Variants in MYH14 observed in about 807,000 individuals in gnomAD.
The protein encoded by MYH14 is myosin-14.
MYH14 carries 123 observed loss-of-function variants against 255.5 expected under a neutral mutation model. The ratio of observed to expected loss-of-function variants is 0.48; its 90% CI spans 0.42 to 0.56. The LOEUF is 0.56. Among genes scored for constraint, MYH14 ranks in the 20% least tolerant of loss-of-function variants. The pLI is 0.00. For missense variants in MYH14, 2,423 were observed against 2,802.3 expected (o/e 0.86, Z 3.06); for synonymous variants, 1,095 against 1,161.2 (o/e 0.94, Z 1.16).
chr19:50,309,476 G>A (rs1344003694), intron 42 of MYH14, 164 bp from the exon 43 acceptor site: 16 of 620,384 alleles, frequency 2.6e-5, no homozygotes, highest in Admixed American at 1.1e-4. Flanking sequence ...GCTTCTGCCC[G>A]TCTCCCTCCA....
chr19:50,217,534 C>G, intron 2 of MYH14, 81 bp from the exon 3 acceptor site: 1 of 1,524,594 alleles, frequency 6.6e-7, no homozygotes. Context: ...TTGTGCAGTG[C>G]ACGGCCTGCT....
intron 10 of MYH14, among the ~76,000 whole-genome samples, chr19:50,240,630 C>T (rs924001769): frequency 6.6e-6 from 1 of 150,942 alleles, no homozygotes; most frequent in African/African-American, 2.4e-5. Context: ...AATGGAAGCA[C>T]AGAAATTAAA....
intron 2 of MYH14, among the ~76,000 whole-genome samples, chr19:50,215,120 C>G (rs1286490134): frequency 2.0e-5 from 3 of 152,170 alleles, no homozygotes; most frequent in African/African-American, 7.2e-5. Context: ...GGGGGTGCAC[C>G]AGCCTTTGTT....
In MYH14 at chr19:50,250,497, C is replaced by A. The variant is rs774248169; in HGVS notation, c.1657-18C>A. 6.2e-7 allele frequency: 1 copy of A among 1,609,368 alleles called. No homozygotes were observed. Among genetic ancestry groups the A allele is most frequent in the East Asian group, 2.2e-5 (1 of 44,714 alleles). The stretch of plus-strand genomic sequence containing the variant: ...ATGTGGGGATCTGACTTACTCTCCC[C>A]CTGCTGTCAATGGCCAGGCCAACCC... On this transcript the variant is annotated intron_variant, in intron 14 of 42. Transcript: ENST00000642316. The surrounding 1 kb of genome is among the most constrained non-coding windows in gnomAD (Gnocchi z 5.4).
rs1209557989 is a variant in MYH14, at chr19:50,210,442, C to T, written c.77C>T (p.Pro26Leu). The part of the protein sequence containing the change: ...RPGPVPEAAQ[P>L]FLFTPRGPSA... ...GGCCCAGTGCCCGAGGCGGCCCAGC[C>T]GTTCCTGTTCACGCCCCGCGGGCCC... The change falls in exon 2 of 43, where the codon CCG (proline) becomes CTG (leucine). Residue 26 changes from proline (P) to leucine (L), a missense_variant. This residue lies in a region of MYH14 where 238 missense variants were observed against 245.8 expected (regional missense o/e 0.97). Transcript: ENST00000642316. 1.4e-5 allele frequency: 21 copies of T among 1,553,278 alleles called. No individual in the cohort carries two copies. Among genetic ancestry groups the T allele is most frequent in the East Asian group, 2.5e-5 (1 of 40,792 alleles).
intron 39 of MYH14, among the ~76,000 whole-genome samples, chr19:50,295,748 C>T (rs1225112828): frequency 6.6e-6 from 1 of 150,568 alleles, no homozygotes; most frequent in East Asian, 2.0e-4. Context: ...GCCATGATTG[C>T]ACCACTGCAC....
chr19:50,278,621 T>C (rs2035598774), intron 30 of MYH14, among the ~76,000 whole-genome samples: 1 of 152,012 alleles, frequency 6.6e-6, no homozygotes, highest in Non-Finnish European at 1.5e-5. Context: ...GGAGGATCCC[T>C]TGAGCCTGGG....
At chr19:50,211,865 G>A (rs2032213520) in intron 2 of MYH14, among the ~76,000 whole-genome samples, 1 of 152,000 alleles carries the variant, frequency 6.6e-6, no homozygotes, top group South Asian at 2.1e-4. Flanking sequence ...GCACACTCTT[G>A]TAGTCCCAGT....
rs932649880 is a variant in MYH14, at chr19:50,267,056, TG to T, written c.2826+49del. 3.4e-6 allele frequency: 5 copies of T among 1,481,478 alleles called. No individual in the cohort carries two copies. The African/African-American group carries it at 4.2e-5, about 12-fold the overall frequency. 91.8% of individuals were successfully genotyped at this position (1,481,478 alleles called of 1,614,324 possible). The stretch of plus-strand genomic sequence containing the variant: ...TGGGGGCGTGTCTTCGGGGTGGGGC[TG>T]TGTCGCATGGGTGGAGCCAGGTGTG... On this transcript the variant is annotated intron_variant, in intron 23 of 42. Transcript: ENST00000642316.
intron 10 of MYH14, among the ~76,000 whole-genome samples, chr19:50,234,493 G>A (rs528202802): frequency 5.3e-5 from 8 of 152,284 alleles, no homozygotes; most frequent in Admixed American, 5.2e-4. Context: ...GAAATGGAGC[G>A]TAGCTTGGCT....
At chr19:50,236,457 C>T (rs889544337) in intron 10 of MYH14, among the ~76,000 whole-genome samples, 7 of 152,158 alleles carry the variant, frequency 4.6e-5, no homozygotes, top group African/African-American at 1.4e-4. Context: ...CACCTGTAAT[C>T]CCAGCACTTT....
At position 50,252,777 on chromosome 19, in the gene MYH14, C is replaced by CTAGAGCCGGGGTGG; in HGVS notation, c.1945+24_1945+25insTAGAGCCGGGGTGG. 1 of 1,500,320 alleles carries CTAGAGCCGGGGTGG rather than the reference C, an allele frequency of 6.7e-7. No homozygotes were observed. Among genetic ancestry groups the CTAGAGCCGGGGTGG allele is most frequent in the Non-Finnish European group, 9.1e-7 (1 of 1,097,960 alleles). The allele number at this position is 1,500,320 out of a possible 1,614,324, so 92.9% of individuals were successfully genotyped here. ...CGGTGAGGACCCACTTCCCCCACCC[C>CTAGAGCCGGGGTGG]GGCTCTAGGGGTCTGTGCGGCCATT... On this transcript the variant is annotated intron_variant, in intron 16 of 42. Coordinates refer to ENST00000642316, the MANE Select transcript of MYH14 (RefSeq NM_001145809.2). This position sits in a 1 kb window ranked among gnomAD's most constrained non-coding sequence, Gnocchi z 4.2.
In MYH14 at chr19:50,249,822, C is replaced by A. The variant is rs727505282; in HGVS notation, c.1655C>A (p.Pro552Gln). ...CCCTGCATCGACCTCATCGAGCGGC[C>A]GGTGAGCCCCAGGCCCCTCCCAGCC... is the stretch of plus-strand genomic sequence containing the variant. ...LQPCIDLIER[P>Q]ANPPGLLALL... The change falls in exon 14 of 43, where the codon CCG becomes CAG. Residue 552 changes from proline (P) to glutamine (Q), a missense_variant and splice_region_variant. This residue lies in a region of MYH14 where 672 missense variants were observed against 881.8 expected (regional missense o/e 0.76). Transcript: ENST00000642316. 1.4e-5 allele frequency: 23 copies of A among 1,613,980 alleles called. No homozygotes were observed. The highest frequency in any genetic ancestry group is 1.9e-5 in the Non-Finnish European group (23 of 1,180,006).
At chr19:50,212,404 A>C (rs780553955) in intron 2 of MYH14, among the ~76,000 whole-genome samples, 1 of 152,238 alleles carries the variant, frequency 6.6e-6, no homozygotes, top group Non-Finnish European at 1.5e-5. Flanking sequence ...GCAAATATTT[A>C]ATCGAGCACT....
chr19:50,304,735 G>A (rs1002711546), intron 40 of MYH14, among the ~76,000 whole-genome samples: 82 of 152,300 alleles, frequency 5.4e-4, no homozygotes, highest in African/African-American at 1.9e-3. Context: ...CTCATGAGCT[G>A]GACATGGCAA....
chr19:50,286,665 C>T lies in MYH14; in HGVS notation c.4723C>T (p.Leu1575=). The T allele has an allele frequency of 6.3e-7, 1 of 1,582,732 alleles. No individual in the cohort carries two copies. The highest frequency in any genetic ancestry group is 8.6e-7 in the Non-Finnish European group (1 of 1,165,492). ...CCTGCGGGCTGAGCTGGAGGCACTGCTGAGCAGCAAGGATGACGTCGGCAA... is the reference window on the plus strand; with the variant it reads ...CCTGCGGGCTGAGCTGGAGGCACTGTTGAGCAGCAAGGATGACGTCGGCAA... ...RALRAELEAL[L]SSKDDVGKSV... The change falls in exon 34 of 43, where the codon CTG becomes TTG. Residue 1575 remains leucine, a synonymous_variant. Coordinates refer to ENST00000642316, the MANE Select transcript of MYH14 (RefSeq NM_001145809.2).
rs560533347 is a variant in MYH14, at chr19:50,223,099, C to T, written c.579C>T (p.Ser193=). 2 of 1,613,724 alleles carry T rather than the reference C, an allele frequency of 1.2e-6. No individual in the cohort carries two copies. Among genetic ancestry groups the T allele is most frequent in the Admixed American group, 1.7e-5 (1 of 60,024 alleles). The change falls in exon 4 of 43, where the codon TCC becomes TCT. Residue 193 remains serine, a synonymous_variant. Coordinates refer to ENST00000642316, the MANE Select transcript of MYH14 (RefSeq NM_001145809.2). Reference sequence around the variant, plus strand: ...CCCCTACAGATCGTGAGGACCAGTCCATTCTCTGCACGTGAGTAATCTGGA... The same window carrying T: ...CCCCTACAGATCGTGAGGACCAGTCTATTCTCTGCACGTGAGTAATCTGGA... ...RSMLQDREDQ[S]ILCTGESGAG...
chr19:50,242,799 G>A (rs1160388142), intron 10 of MYH14, among the ~76,000 whole-genome samples: 1 of 152,180 alleles, frequency 6.6e-6, no homozygotes, highest in Non-Finnish European at 1.5e-5. Flanking sequence ...TTGAGTCACC[G>A]AGTGCACACT....
chr19:50,302,901 CAAAAAGAAAA>C (rs758415822), intron 40 of MYH14, among the ~76,000 whole-genome samples: 80 of 146,490 alleles, frequency 5.5e-4, no homozygotes, highest in Non-Finnish European at 1.0e-3. Flanking sequence ...AACTCCGCCT[CAAAAAGAAAA>C]AAAAAGAAAA....
Sources: gnomAD v4.1 joint callset for allele counts (sites outside exome capture counted in the v4.1 genomes callset) on GRCh38, gnomAD v4.1.1 for gene constraint, gnomAD v4.1.1 regional missense constraint, Gnocchi (gnomAD v3.1) non-coding constraint, MANE v1.5 for transcripts, NCBI Gene and HGNC (gene_info 2026-07-23, HGNC 2026-07-21) for gene names.